The following SEC24A variants were observed in gnomAD, a reference collection of about 807,000 sequenced individuals.
SEC24A encodes the protein SEC24 homolog A, COPII component, also known as protein transport protein Sec24A.
SEC24A carries 93 observed loss-of-function variants against 129.4 expected under a neutral mutation model. That is an observed-to-expected ratio of 0.72 (90% CI 0.61 to 0.85). The LOEUF (loss-of-function observed/expected upper bound fraction) is 0.85, where lower values mean the gene tolerates loss of function less well. SEC24A is among the 40% of genes least tolerant of loss of function. The pLI is 0.00. For missense variants in SEC24A, 1,264 were observed against 1,307.4 expected (o/e 0.97, Z 0.51); for synonymous variants, 460 against 467.3 (o/e 0.98, Z 0.20).
chr5:134,675,616 A>G (rs1285178942), intron 6 of SEC24A, among the ~76,000 whole-genome samples: 2 of 152,190 alleles, frequency 1.3e-5, no homozygotes, highest in African/African-American at 2.4e-5. Context: ...TATATGATCA[A>G]TAATTTCTGA....
At chr5:134,716,966 G>A (rs369898932) in intron 19 of SEC24A, among the ~76,000 whole-genome samples, 361 of 147,346 alleles carry the variant, frequency 2.5e-3, no homozygotes, top group South Asian at 0.022. Context: ...CGCAGCCTCC[G>A]CCTCCCAGGT....
chr5:134,682,887 G>A (rs1442252791), intron 9 of SEC24A, among the ~76,000 whole-genome samples: 1 of 151,920 alleles, frequency 6.6e-6, no homozygotes, highest in Non-Finnish European at 1.5e-5. Flanking sequence ...GTTTTTAAAT[G>A]TGTAAAAGTG....
In SEC24A at chr5:134,725,580, T is replaced by C. The variant is rs1391399332; in HGVS notation, c.*486T>C. ...AAATATAATGTAGGAAAACTAGAAT[T>C]CATTCCCCACACGTGTCTTTTTTTT... is the stretch of plus-strand genomic sequence containing the variant. On this transcript the variant is annotated 3_prime_UTR_variant, in exon 23 of 23. Coordinates refer to ENST00000398844, the MANE Select transcript of SEC24A (RefSeq NM_021982.3). The C allele has an allele frequency of 6.6e-6, 1 of 152,534 alleles. No individual in the cohort carries two copies. The highest frequency in any genetic ancestry group is 2.4e-5 in the African/African-American group (1 of 41,432). 9.4% of individuals were successfully genotyped at this position (152,534 alleles called of 1,614,324 possible).
At chr5:134,698,853 A>T (rs1751914807) in intron 15 of SEC24A, among the ~76,000 whole-genome samples, 1 of 151,928 alleles carries the variant, frequency 6.6e-6, no homozygotes, top group East Asian at 1.9e-4. Flanking sequence ...GGCTGGTCTC[A>T]AACTCCTGAC....
intron 13 of SEC24A, among the ~76,000 whole-genome samples, chr5:134,695,052 C>A (rs1267578373): frequency 6.6e-6 from 1 of 151,928 alleles, no homozygotes; most frequent in African/African-American, 2.4e-5. Flanking sequence ...AATTTCTTTG[C>A]CCCTTTGTTT....
Position 134,674,628 on chromosome 5 carries a change from T to C in SEC24A, c.831T>C (p.Leu277=). The change falls in exon 5 of 23, where the codon CTT becomes CTC. Residue 277 remains leucine, a synonymous_variant. Coordinates refer to ENST00000398844, the MANE Select transcript of SEC24A (RefSeq NM_021982.3). ...EGGGLLATPQ[L]TNKNPKMSRS... is the part of the protein sequence containing the mutation. The stretch of plus-strand genomic sequence containing the variant: ...CCTTGTTTCTAGCAACACCACAGCT[T>C]ACTAACAAGAATCCCAAAATGAGCC... The C allele has an allele frequency of 6.2e-7, 1 of 1,613,592 alleles. No individual in the cohort carries two copies. Among genetic ancestry groups the C allele is most frequent in the Non-Finnish European group, 8.5e-7 (1 of 1,179,708 alleles).
Position 134,725,917 on chromosome 5 carries a change from G to T in SEC24A, c.*823G>T, listed in dbSNP as rs985664655. On this transcript the variant is annotated 3_prime_UTR_variant, in exon 23 of 23. Coordinates refer to ENST00000398844, the MANE Select transcript of SEC24A (RefSeq NM_021982.3). Reference sequence around the variant, plus strand: ...TTGATCCTTTAAGTGGATTTTATTTGGTGCATTTCTGCTCTGGGTATATAA... The same window carrying T: ...TTGATCCTTTAAGTGGATTTTATTTTGTGCATTTCTGCTCTGGGTATATAA... 1.3e-5 allele frequency: 2 copies of T among 152,112 alleles called. No homozygotes were observed. The highest frequency in any genetic ancestry group is 2.9e-5 in the Non-Finnish European group (2 of 67,938). 9.4% of individuals were successfully genotyped at this position (152,112 alleles called of 1,614,324 possible).
intron 12 of SEC24A, chr5:134,693,069 C>G: frequency 6.5e-7 from 1 of 1,535,992 alleles, no homozygotes; most frequent in Non-Finnish European, 8.7e-7. Context: ...CTCTTATTAC[C>G]TGCCTGGAAA....
At chr5:134,684,190 C>G (rs961020026) in intron 9 of SEC24A, among the ~76,000 whole-genome samples, 1 of 151,174 alleles carries the variant, frequency 6.6e-6, no homozygotes, top group Non-Finnish European at 1.5e-5. Context: ...GTAATCCCAG[C>G]TACTTGGGAG....
chr5:134,675,857 G>C (rs1035024428), intron 6 of SEC24A, among the ~76,000 whole-genome samples, 166 bp from the exon 7 acceptor site: 1 of 152,088 alleles, frequency 6.6e-6, no homozygotes, highest in Non-Finnish European at 1.5e-5. Context: ...TTCTGCATAG[G>C]ACTTAGATTT....
chr5:134,695,222 A>T (rs1751783176), intron 13 of SEC24A, among the ~76,000 whole-genome samples: 2 of 152,070 alleles, frequency 1.3e-5, no homozygotes, highest in African/African-American at 2.4e-5. Context: ...TACAAAAAAA[A>T]TTAGCCAGGT....
rs577939715 is a variant in SEC24A, at chr5:134,659,273, C to T, written c.98-1846C>T. Among the ~76,000 whole-genome samples, 177 of 151,976 alleles carry T rather than the reference C, an allele frequency of 1.2e-3. No homozygotes were observed. In the East Asian group the frequency reaches 0.032, roughly 27 times the overall value. On this transcript the variant is annotated intron_variant, in intron 1 of 22. Transcript: ENST00000398844. ...ATTTTTAGTAGAGATGGGGTTTCAC[C>T]ATGTTAGCCAGGATGGTCTTGATCT...
In SEC24A at chr5:134,712,909, T is replaced by C. The variant is rs937379363; in HGVS notation, c.2728-2115T>C. On this transcript the variant is annotated intron_variant, in intron 18 of 22. Coordinates refer to ENST00000398844, the MANE Select transcript of SEC24A (RefSeq NM_021982.3). The stretch of plus-strand genomic sequence containing the variant: ...TTGGGATTACAGCCATGAGCCACCG[T>C]GCCTGGAAATATTTAAATTTTTTTT... 9.5e-4 allele frequency among the ~76,000 whole-genome samples: 134 copies of C among 140,906 alleles called. 2 individuals carry two copies. The highest frequency in any genetic ancestry group is 4.2e-3 in the Middle Eastern group (1 of 236). 92.4% of individuals were successfully genotyped at this position (140,906 alleles called of 152,430 possible). A position where few individuals can be genotyped will look rare whatever the true frequency, so the allele number is the denominator to read the frequency against.
chr5:134,697,075 T>C, intron 13 of SEC24A, 51 bp from the exon 14 acceptor site: 2 of 1,104,480 alleles, frequency 1.8e-6, no homozygotes, highest in Non-Finnish European at 2.6e-6. Context: ...TTAGATTTTA[T>C]GACAATGTAA....
intron 18 of SEC24A, among the ~76,000 whole-genome samples, chr5:134,713,122 G>C (rs981397389): frequency 6.6e-6 from 1 of 151,274 alleles, no homozygotes; most frequent in Admixed American, 6.6e-5. Flanking sequence ...TAGTAGAGAC[G>C]GGGTTTCACC....
intron 7 of SEC24A, among the ~76,000 whole-genome samples, chr5:134,678,059 T>C (rs1331303262): frequency 6.6e-6 from 1 of 152,110 alleles, no homozygotes; most frequent in East Asian, 1.9e-4. Flanking sequence ...TCTCTCGTTG[T>C]CACCCAGGTT....
intron 20 of SEC24A, 101 bp from the exon 21 acceptor site, chr5:134,720,897 A>T: frequency 1.7e-6 from 1 of 592,886 alleles, no homozygotes; most frequent in South Asian, 2.3e-5. Context: ...GTGAGACCCT[A>T]TCTCACAAAT....
chr5:134,671,085 C>T (rs925855704), intron 3 of SEC24A, among the ~76,000 whole-genome samples: 3 of 152,072 alleles, frequency 2.0e-5, no homozygotes, highest in Non-Finnish European at 4.4e-5. Context: ...CGCTCTGTCG[C>T]CCAGGCTGGA....
At chr5:134,701,513 CT>C (rs10714056) in intron 15 of SEC24A, among the ~76,000 whole-genome samples, 118,073 of 136,938 alleles carry the variant, frequency 0.86, 50,759 homozygotes, top group East Asian at 0.99. Context: ...CCTTTGCCCT[CT>C]TTTTTTTTTT....
Sources: allele counts gnomAD v4.1 joint callset (sites outside exome capture counted in the v4.1 genomes callset), GRCh38; gene constraint gnomAD v4.1.1; transcripts MANE v1.5; gene names NCBI Gene and HGNC (gene_info 2026-07-23, HGNC 2026-07-21).